Variants in FBN2 observed in about 807,000 individuals in gnomAD.
FBN2 encodes the protein fibrillin-2.
FBN2 carries 105 observed loss-of-function variants against 355.6 expected under a neutral mutation model. The ratio of observed to expected loss-of-function variants is 0.30; its 90% confidence interval spans 0.25 to 0.35. The LOEUF (loss-of-function observed/expected upper bound fraction) is 0.35. Among genes scored for constraint, FBN2 ranks in the 10% least tolerant of loss-of-function variants. The pLI, the probability that FBN2 is intolerant of heterozygous loss-of-function variation, is 1.00. For synonymous variants in FBN2, 1,350 were observed against 1,301.2 expected, an observed-to-expected ratio of 1.04 and a Z score of -0.81; for missense variants, 3,280 against 3,758.7, an observed-to-expected ratio of 0.87 and a Z score of 3.33.
chr5:128,464,680 G>C (rs779593524), intron 6 of FBN2, 44 bp downstream of exon 6: 1 of 1,593,666 alleles, frequency 6.3e-7, no homozygotes, highest in East Asian at 2.2e-5. Context: ...AAAAAGAGAA[G>C]TGGCAGGTCT....
chr5:128,478,630 G>A (rs1247175609), intron 5 of FBN2, among the ~76,000 whole-genome samples: 2 of 152,140 alleles, frequency 1.3e-5, no homozygotes, highest in Non-Finnish European at 2.9e-5. Context: ...ATATGTCAAG[G>A]TCTTTTCAGG....
chr5:128,523,638 A>G (rs1324213824), intron 4 of FBN2, among the ~76,000 whole-genome samples: 1 of 152,042 alleles, frequency 6.6e-6, no homozygotes, highest in Non-Finnish European at 1.5e-5. Flanking sequence ...AATCCAAAAC[A>G]AAACTCTTAT....
At chr5:128,464,108 G>A (rs1754631591) in intron 6 of FBN2, among the ~76,000 whole-genome samples, 1 of 152,132 alleles carries the variant, frequency 6.6e-6, no homozygotes, top group African/African-American at 2.4e-5. Flanking sequence ...TTGGCTACTT[G>A]GATTGCAGTC....
intron 20 of FBN2, among the ~76,000 whole-genome samples, chr5:128,353,151 C>CA: frequency 6.7e-6 from 1 of 150,234 alleles, no homozygotes; most frequent in East Asian, 2.0e-4. Context: ...CTGGGTGACA[C>CA]AGTGAGACCC....
intron 7 of FBN2, among the ~76,000 whole-genome samples, chr5:128,433,662 A>G (rs528005135): frequency 6.6e-6 from 1 of 152,310 alleles, no homozygotes; most frequent in African/African-American, 2.4e-5. Context: ...AAATCAAGCT[A>G]TGCAAAATTT....
chr5:128,322,139 T>G (rs1201603016), intron 34 of FBN2, among the ~76,000 whole-genome samples: 2 of 151,920 alleles, frequency 1.3e-5, no homozygotes, highest in East Asian at 3.9e-4. Flanking sequence ...TATGGGGTTG[T>G]TTTTTTTCTT....
chr5:128,453,224 G>T (rs1471415640), intron 6 of FBN2, among the ~76,000 whole-genome samples: 1 of 152,186 alleles, frequency 6.6e-6, no homozygotes, highest in African/African-American at 2.4e-5. Context: ...AACAGAGCAT[G>T]GTTCTATCTC....
Position 128,537,569 on chromosome 5 carries a change from T to G in FBN2, c.35A>C (p.Tyr12Ser). 2 of 1,605,522 alleles carry G rather than the reference T, an allele frequency of 1.2e-6. No individual in the cohort carries two copies. Among genetic ancestry groups the G allele is most frequent in the Non-Finnish European group, 1.7e-6 (2 of 1,177,426 alleles). The change falls in exon 1 of 65, where the codon TAC becomes TCC. Residue 12 changes from tyrosine (Y) to serine (S), a missense_variant. By Grantham distance (144) the Tyr-to-Ser change is moderately radical. Around this residue, in one of 6 missense-constraint regions of FBN2, gnomAD observed 203 missense variants for 142.2 expected, o/e 1.43. Coordinates refer to ENST00000262464, the MANE Select transcript of FBN2 (RefSeq NM_001999.4). Reference protein sequence around the residue: ...GRRRRLCLQLYFLWLGCVVLW... With the variant: ...GRRRRLCLQLSFLWLGCVVLW... Reference sequence around the variant, plus strand: ...CACCACACAGCCCAGCCACAGGAAGTAGAGCTGGAGACACAGCCTCCGTCT... The same window carrying G: ...CACCACACAGCCCAGCCACAGGAAGGAGAGCTGGAGACACAGCCTCCGTCT...
intron 5 of FBN2, among the ~76,000 whole-genome samples, chr5:128,493,492 C>A (rs941105952): frequency 7.2e-5 from 11 of 152,126 alleles, no homozygotes; most frequent in African/African-American, 2.7e-4. Flanking sequence ...AACCTCACAA[C>A]TCCCATAATG....
At chr5:128,360,662 G>T (rs1303357905) in intron 19 of FBN2, among the ~76,000 whole-genome samples, 1 of 151,906 alleles carries the variant, frequency 6.6e-6, no homozygotes, top group Non-Finnish European at 1.5e-5. Flanking sequence ...GACTTCAGCA[G>T]AGTCATTCAT....
chr5:128,383,282 T>C (rs1752280534), intron 11 of FBN2, among the ~76,000 whole-genome samples: 1 of 151,976 alleles, frequency 6.6e-6, no homozygotes, highest in African/African-American at 2.4e-5. Flanking sequence ...TGATGGTTAT[T>C]AATATACTAC....
At chr5:128,363,784 G>C (rs1430442420) in intron 18 of FBN2, among the ~76,000 whole-genome samples, 1 of 152,098 alleles carries the variant, frequency 6.6e-6, no homozygotes, top group Non-Finnish European at 1.5e-5. Context: ...CTTCCCTGTA[G>C]TTATCAAAAT....
intron 15 of FBN2, 61 bp downstream of exon 15, chr5:128,374,567 C>T: frequency 1.2e-6 from 2 of 1,605,354 alleles, no homozygotes; most frequent in Non-Finnish European, 1.7e-6. Context: ...ATAGAAATAT[C>T]TCTGTCAGTT....
At chr5:128,312,542 TA>T in intron 37 of FBN2, 91 bp downstream of exon 37, 1 of 1,442,406 alleles carries the variant, frequency 6.9e-7, no homozygotes, top group Non-Finnish European at 9.7e-7. Flanking sequence ...TTGTCCTCAC[TA>T]AACACTCCTC....
chr5:128,494,438 T>C (rs1213627549), intron 5 of FBN2, among the ~76,000 whole-genome samples: 1 of 152,136 alleles, frequency 6.6e-6, no homozygotes, highest in Non-Finnish European at 1.5e-5. Context: ...AGAAGTCTTT[T>C]TGGAGTCAGA....
At chr5:128,418,169 G>A (rs1205297108) in intron 7 of FBN2, among the ~76,000 whole-genome samples, 2 of 151,962 alleles carry the variant, frequency 1.3e-5, no homozygotes. Flanking sequence ...CAGTTGTTAT[G>A]TCTCCCTTTT....
rs546148828 is a variant in FBN2 at position 128,305,547 on chromosome 5, C to T, written c.5638G>A (p.Ala1880Thr). 73 of 1,613,986 alleles carry T rather than the reference C, an allele frequency of 4.5e-5. No individual in the cohort carries two copies. Among genetic ancestry groups the T allele is most frequent in the East Asian group, 2.0e-4 (9 of 44,886 alleles). Residue 1880 changes from alanine to threonine, a missense_variant, in exon 44 of 65, where the codon GCG (alanine) becomes ACG (threonine). Physicochemically the swap from Ala to Thr is moderately conservative, Grantham distance 58. This residue lies in a region of FBN2 where 2,284 missense variants were observed against 2,749.5 expected (regional missense o/e 0.83). Coordinates refer to ENST00000262464, the MANE Select transcript of FBN2 (RefSeq NM_001999.4). ...CCATTGGGTGAAAGTTTGAAACCCG[C>T]GGCACATTCACAGCGGTAACTACCA... ...SPGSYRCECA[A>T]GFKLSPNGAC...
chr5:128,442,041 A>C (rs753887135), intron 7 of FBN2: 22 of 227,344 alleles, frequency 9.7e-5, no homozygotes, highest in Non-Finnish European at 1.6e-4. Context: ...GGTTTATCTA[A>C]GCAGAGTTGG....
chr5:128,276,220 C>T, intron 58 of FBN2, 60 bp from the exon 59 acceptor site: 3 of 1,543,470 alleles, frequency 1.9e-6, no homozygotes, highest in Admixed American at 1.7e-5. Context: ...AGACTCTTTC[C>T]TCCTTCCATA....
Sources: gnomAD v4.1 joint callset for allele counts (sites outside exome capture counted in the v4.1 genomes callset) on GRCh38, gnomAD v4.1.1 for gene constraint, gnomAD v4.1.1 regional missense constraint, MANE v1.5 for transcripts, NCBI Gene and HGNC (gene_info 2026-07-23, HGNC 2026-07-21) for gene names.